The following EYS variants were observed in gnomAD, a reference collection of about 807,000 sequenced individuals.
The protein encoded by EYS is EGF-like photoreceptor maintenance factor, also known as protein eyes shut homolog.
EYS carries 250 observed loss-of-function variants against 282.1 expected under a neutral mutation model. That is an observed-to-expected ratio of 0.89 (90% CI 0.80 to 0.98). The LOEUF is 0.98. Among genes scored for constraint, EYS ranks in the 50% least tolerant of loss-of-function variants. The pLI, the probability that EYS is intolerant of heterozygous loss-of-function variation, is 0.00. For missense variants in EYS, 4,016 were observed against 3,709.0 expected (o/e 1.08, Z -2.15); for synonymous variants, 1,355 against 1,282.9 (o/e 1.06, Z -1.20).
At chr6:65,322,795 CAAA>C (rs57571912) in intron 11 of EYS, among the ~76,000 whole-genome samples, 3,215 of 70,684 alleles carry the variant, frequency 0.045, 106 homozygotes, top group African/African-American at 0.15. Context: ...GAATCCGTCT[CAAA>C]AAAAAAAAAA....
intron 26 of EYS, among the ~76,000 whole-genome samples, chr6:64,490,443 G>C (rs1776702620): frequency 1.3e-5 from 2 of 150,788 alleles, no homozygotes; most frequent in South Asian, 4.1e-4. Flanking sequence ...CACATTAAAA[G>C]CAATTTTTAT....
At chr6:64,539,350 G>A (rs1027117876) in intron 26 of EYS, among the ~76,000 whole-genome samples, 4 of 152,122 alleles carry the variant, frequency 2.6e-5, no homozygotes, top group Non-Finnish European at 5.9e-5. Flanking sequence ...AGGATCGCTT[G>A]AGAACAGGAG....
chr6:64,428,585 C>G (rs1474075349), intron 28 of EYS, among the ~76,000 whole-genome samples: 2 of 152,086 alleles, frequency 1.3e-5, no homozygotes, highest in Admixed American at 1.3e-4. Flanking sequence ...GAAGCCTATA[C>G]TATGATATGC....
chr6:64,440,064 A>T (rs1275078458), intron 26 of EYS, among the ~76,000 whole-genome samples: 1 of 151,718 alleles, frequency 6.6e-6, no homozygotes, highest in African/African-American at 2.4e-5. Context: ...GGATTTGAAT[A>T]TCGCCTTTCT....
chr6:65,694,959 G>A (rs1188849188), intron 1 of EYS, among the ~76,000 whole-genome samples: 1 of 151,820 alleles, frequency 6.6e-6, no homozygotes, highest in African/African-American at 2.4e-5. Flanking sequence ...TAATCTCCCT[G>A]ATAAAGTCAT....
intron 5 of EYS, among the ~76,000 whole-genome samples, chr6:65,411,453 T>C (rs547570209): frequency 1.3e-5 from 2 of 152,224 alleles, no homozygotes; most frequent in South Asian, 4.1e-4. Context: ...TGTTTACATC[T>C]TATGTAACTA....
At chr6:65,455,999 G>C (rs371583205) in intron 5 of EYS, among the ~76,000 whole-genome samples, 1 of 134,396 alleles carries the variant, frequency 7.4e-6, no homozygotes, top group East Asian at 2.2e-4. Context: ...GAGAGAGAAA[G>C]AAAAAGAAAG....
At chr6:64,264,822 T>C (rs1562278472) in intron 30 of EYS, among the ~76,000 whole-genome samples, 1 of 152,060 alleles carries the variant, frequency 6.6e-6, no homozygotes, top group Non-Finnish European at 1.5e-5. Context: ...AAGAATCTCT[T>C]GAACCTCGGA....
At chr6:63,727,819 T>C (rs1250644457) in intron 41 of EYS, among the ~76,000 whole-genome samples, 1 of 110,654 alleles carries the variant, frequency 9.0e-6, no homozygotes, top group Non-Finnish European at 1.7e-5. Flanking sequence ...GAAGGATCAG[T>C]TGAGCTTGGG....
In EYS at chr6:65,297,119, T is replaced by C. The variant is rs1181208229; in HGVS notation, c.1767-1000A>G. Among the ~76,000 whole-genome samples the C allele has an allele frequency of 2.0e-5, 3 of 151,340 alleles. No individual in the cohort carries two copies. In the East Asian group the frequency reaches 5.8e-4, roughly 29 times the overall value. On this transcript the variant is annotated intron_variant, in intron 11 of 42. Coordinates refer to ENST00000503581, the MANE Select transcript of EYS (RefSeq NM_001142800.2). Reference sequence around the variant, plus strand: ...AATATAAATTCTTAGATCATTTTAATATAATAATACATTATATAATATATC... The same window carrying C: ...AATATAAATTCTTAGATCATTTTAACATAATAATACATTATATAATATATC...
chr6:65,097,353 G>T (rs992692734), intron 12 of EYS, among the ~76,000 whole-genome samples: 1 of 150,398 alleles, frequency 6.6e-6, no homozygotes, highest in Non-Finnish European at 1.5e-5. Context: ...AACAAGTATT[G>T]GTGAGGATGT....
intron 22 of EYS, among the ~76,000 whole-genome samples, chr6:64,777,776 C>T (rs948113965): frequency 8.6e-5 from 13 of 152,014 alleles, no homozygotes; most frequent in Admixed American, 1.3e-4. Flanking sequence ...ATCCTAAATG[C>T]TAACAACAAC....
At chr6:64,936,545 A>T (rs1031064309) in intron 15 of EYS, among the ~76,000 whole-genome samples, 2 of 151,556 alleles carry the variant, frequency 1.3e-5, no homozygotes, top group Non-Finnish European at 3.0e-5. Flanking sequence ...GAATCGACCA[A>T]AAATTATTAT....
chr6:63,862,833 G>A (rs1036106759), intron 36 of EYS, among the ~76,000 whole-genome samples: 1 of 109,294 alleles, frequency 9.1e-6, no homozygotes, highest in Non-Finnish European at 2.3e-5. Context: ...ATATAACCCT[G>A]CCACACACAG....
At chr6:65,670,574 ACT>A (rs1307425556) in intron 1 of EYS, among the ~76,000 whole-genome samples, 1 of 151,972 alleles carries the variant, frequency 6.6e-6, no homozygotes, top group Non-Finnish European at 1.5e-5. Flanking sequence ...AATCATCCAA[ACT>A]CTATTAATAG....
At chr6:65,046,382 C>T (rs1056898342) in intron 13 of EYS, among the ~76,000 whole-genome samples, 1 of 151,800 alleles carries the variant, frequency 6.6e-6, no homozygotes, top group African/African-American at 2.4e-5. Context: ...GAAGTGCATT[C>T]GGCTCAGGTA....
At chr6:63,867,003 G>C (rs1173687924) in intron 35 of EYS, among the ~76,000 whole-genome samples, 1 of 152,156 alleles carries the variant, frequency 6.6e-6, no homozygotes, top group African/African-American at 2.4e-5. Context: ...GATCTTGTCA[G>C]ATCCTGTTAT....
chr6:64,155,959 A>G (rs1046914745), intron 31 of EYS, among the ~76,000 whole-genome samples: 3 of 151,702 alleles, frequency 2.0e-5, no homozygotes, highest in Non-Finnish European at 2.9e-5. Flanking sequence ...AGGTGATGAC[A>G]TGGGCTCAAA....
intron 2 of EYS, among the ~76,000 whole-genome samples, chr6:65,496,475 A>C (rs926734083): frequency 3.3e-5 from 5 of 152,004 alleles, no homozygotes; most frequent in Admixed American, 1.3e-4. Context: ...TCACAATTAA[A>C]CTCAAATTTT....
Sources: allele counts gnomAD v4.1 joint callset (sites outside exome capture counted in the v4.1 genomes callset), GRCh38; gene constraint gnomAD v4.1.1; transcripts MANE v1.5; gene names NCBI Gene and HGNC (gene_info 2026-07-23, HGNC 2026-07-21).